The following TCF7L2 variants were observed in gnomAD, a reference collection of about 807,000 sequenced individuals.
TCF7L2 encodes transcription factor 7 like 2.
A neutral mutation model predicts 77.9 loss-of-function variants in TCF7L2; 23 were observed. That is an observed-to-expected ratio of 0.30 (90% CI 0.21 to 0.42). The LOEUF (loss-of-function observed/expected upper bound fraction) is 0.42, where lower values mean the gene tolerates loss of function less well. TCF7L2 is among the 10% of genes least tolerant of loss of function. The pLI is 1.00. For synonymous variants in TCF7L2, 413 were observed against 340.2 expected (o/e 1.21, Z -2.36); for missense variants, 654 against 793.1 (o/e 0.82, Z 2.11).
intron 5 of TCF7L2, among the ~76,000 whole-genome samples, chr10:113,123,269 C>T (rs1350369087): frequency 6.6e-6 from 1 of 152,226 alleles, no homozygotes; most frequent in African/African-American, 2.4e-5. Flanking sequence ...AACTCCGGTT[C>T]AGAGCGCACA....
intron 3 of TCF7L2, among the ~76,000 whole-genome samples, chr10:112,952,063 G>T (rs2031769525): frequency 6.6e-6 from 1 of 151,898 alleles, no homozygotes; most frequent in Non-Finnish European, 1.5e-5. Context: ...GGCTTTCCCC[G>T]GTTAACCCCT....
At chr10:113,063,943 A>G (rs1163797983) in intron 5 of TCF7L2, among the ~76,000 whole-genome samples, 2 of 149,472 alleles carry the variant, frequency 1.3e-5, no homozygotes, top group Non-Finnish European at 3.0e-5. Flanking sequence ...TGGATGGATG[A>G]TGTGTCGTCA....
rs1310813800 is a variant in TCF7L2, at chr10:113,044,061, T to C, written c.552+3935T>C. Among the ~76,000 whole-genome samples the C allele has an allele frequency of 2.0e-5, 3 of 152,362 alleles. No individual in the cohort carries two copies. In the East Asian group the frequency reaches 5.8e-4, roughly 29 times the overall value. On this transcript the variant is annotated intron_variant, in intron 5 of 13. Transcript: ENST00000627217. ...CTTGGGGGTTTCCTTTTGAAGTCGA[T>C]GTAGAATTTTACCTTGGGGTGGATT...
chr10:112,964,506 T>A, intron 3 of TCF7L2, 50 bp from the exon 4 acceptor site: 1 of 1,558,386 alleles, frequency 6.4e-7, no homozygotes, highest in Non-Finnish European at 8.8e-7. Flanking sequence ...AGATGTTTTC[T>A]TGTAGTTTGT....
At chr10:113,144,779 T>G (rs2069025650) in intron 7 of TCF7L2, among the ~76,000 whole-genome samples, 3 of 152,290 alleles carry the variant, frequency 2.0e-5, no homozygotes, top group Non-Finnish European at 2.9e-5. Context: ...TGACTAACTT[T>G]TGCAACTTAA....
intron 5 of TCF7L2, among the ~76,000 whole-genome samples, chr10:113,056,911 C>T (rs964703683): frequency 1.3e-5 from 2 of 152,146 alleles, no homozygotes; most frequent in Non-Finnish European, 2.9e-5. Flanking sequence ...CTCTACAGAG[C>T]GGTCTCATCC....
intron 13 of TCF7L2, chr10:113,161,695 G>A (rs766287714): frequency 1.7e-5 from 23 of 1,368,884 alleles, no homozygotes; most frequent in African/African-American, 4.3e-5. Context: ...CATGTGCTCC[G>A]TGTTTAGACG....
Position 113,119,808 on chromosome 10 carries a change from T to C in TCF7L2, c.553-21376T>C, listed in dbSNP as rs191132096. Among the ~76,000 whole-genome samples, 70 of 152,324 alleles carry C rather than the reference T, an allele frequency of 4.6e-4. No homozygotes were observed. The East Asian group carries it at 0.012, about 27-fold the overall frequency. On this transcript the variant is annotated intron_variant, in intron 5 of 13. Transcript: ENST00000627217. ...TTTGGTTCAGTGCATCTGATTATCT[T>C]CTGGCCTTTAGGGAAATGCGCTAAA... is the stretch of plus-strand genomic sequence containing the variant.
At chr10:113,122,115 T>G (rs944317368) in intron 5 of TCF7L2, among the ~76,000 whole-genome samples, 2 of 152,230 alleles carry the variant, frequency 1.3e-5, no homozygotes, top group Non-Finnish European at 2.9e-5. Flanking sequence ...GGATATGTCC[T>G]TAGACATTGA....
intron 5 of TCF7L2, among the ~76,000 whole-genome samples, chr10:113,041,051 A>G (rs902172717): frequency 2.0e-5 from 3 of 152,256 alleles, no homozygotes; most frequent in Admixed American, 6.5e-5. Context: ...AAATTGCAAA[A>G]TAAGTTTCTT....
At chr10:113,049,978 G>A (rs561043768) in intron 5 of TCF7L2, among the ~76,000 whole-genome samples, 1 of 152,300 alleles carries the variant, frequency 6.6e-6, no homozygotes, top group African/African-American at 2.4e-5. Context: ...TGTATCCTGA[G>A]TGGGACCCAG....
At chr10:112,993,058 C>T (rs1414378553) in intron 4 of TCF7L2, among the ~76,000 whole-genome samples, 2 of 152,048 alleles carry the variant, frequency 1.3e-5, no homozygotes, top group African/African-American at 4.8e-5. Flanking sequence ...CCACCGCACC[C>T]GGCCACTGTC....
intron 5 of TCF7L2, among the ~76,000 whole-genome samples, chr10:113,103,140 G>A (rs1564898130): frequency 2.0e-5 from 3 of 152,062 alleles, no homozygotes; most frequent in African/African-American, 4.8e-5. Context: ...TGTTAGGACT[G>A]GGATTTGAAG....
At chr10:113,018,898 C>T (rs1268284146) in intron 4 of TCF7L2, among the ~76,000 whole-genome samples, 3 of 152,112 alleles carry the variant, frequency 2.0e-5, no homozygotes, top group Admixed American at 6.5e-5. Context: ...CTGGGAGGAA[C>T]AGGGCCTGGC....
chr10:112,966,184 T>TTATATTTA (rs1554876897), intron 4 of TCF7L2, among the ~76,000 whole-genome samples: 4 of 114,280 alleles, frequency 3.5e-5, no homozygotes, highest in African/African-American at 1.9e-4. Context: ...TAAAATATAT[T>TTATATTTA]TATATATATA....
intron 5 of TCF7L2, among the ~76,000 whole-genome samples, chr10:113,101,639 G>A (rs1038884607): frequency 2.6e-5 from 4 of 151,628 alleles, no homozygotes; most frequent in East Asian, 2.0e-4. Flanking sequence ...TCAGGAGATC[G>A]AGATCATCCT....
At chr10:113,004,204 G>A (rs1222907030) in intron 4 of TCF7L2, among the ~76,000 whole-genome samples, 1 of 152,160 alleles carries the variant, frequency 6.6e-6, no homozygotes, top group Admixed American at 6.5e-5. Context: ...AGTGCTGTTT[G>A]GGGCAGGAAG....
chr10:113,004,380 G>A (rs138776177), intron 4 of TCF7L2, among the ~76,000 whole-genome samples: 25 of 151,760 alleles, frequency 1.6e-4, no homozygotes, highest in Admixed American at 1.4e-3. Flanking sequence ...GGAAGTTAAA[G>A]TTTAACTGTT....
chr10:113,163,746 CA>C (rs564428061), intron 13 of TCF7L2, among the ~76,000 whole-genome samples: 64 of 152,064 alleles, frequency 4.2e-4, no homozygotes, highest in Non-Finnish European at 3.1e-4. Flanking sequence ...CCAGAAGGAA[CA>C]GACAGACCCT....
Sources: allele counts gnomAD v4.1 joint callset (sites outside exome capture counted in the v4.1 genomes callset), GRCh38; gene constraint gnomAD v4.1.1; transcripts MANE v1.5; gene names NCBI Gene and HGNC (gene_info 2026-07-23, HGNC 2026-07-21).